LDAH: variants seen among roughly 807,000 people sequenced by gnomAD.
LDAH encodes the protein lipid droplet-associated hydrolase.
Under a neutral mutation model 29.6 loss-of-function variants are expected in LDAH, and 26 were observed. The ratio of observed to expected loss-of-function variants is 0.88; its 90% confidence interval spans 0.64 to 1.22. The LOEUF is 1.22. Ranked by LOEUF, LDAH falls within the 50% of genes most tolerant of loss-of-function variation. The pLI is 0.00. For synonymous variants in LDAH, 117 were observed against 133.0 expected, an observed-to-expected ratio of 0.88 and a Z score of 0.83; for missense variants, 344 against 387.3, an observed-to-expected ratio of 0.89 and a Z score of 0.94.
intron 1 of LDAH, among the ~76,000 whole-genome samples, chr2:20,817,948 G>A (rs907136324): frequency 1.4e-4 from 22 of 152,148 alleles, no homozygotes; most frequent in Non-Finnish European, 2.5e-4. Flanking sequence ...TGGTTGCCAC[G>A]GGTTAGGGAT....
At chr2:20,748,446 G>A (rs1294117943) in intron 4 of LDAH, among the ~76,000 whole-genome samples, 1 of 152,136 alleles carries the variant, frequency 6.6e-6, no homozygotes, top group African/African-American at 2.4e-5. Flanking sequence ...TTCTTCTCAA[G>A]CTTTTATCAT....
At chr2:20,778,430 AAGTTAT>A (rs1669963416) in intron 3 of LDAH, among the ~76,000 whole-genome samples, 2 of 152,162 alleles carry the variant, frequency 1.3e-5, no homozygotes, top group African/African-American at 4.8e-5. Context: ...CCAGTTATTA[AAGTTAT>A]TAAGCAGTCA....
intron 5 of LDAH, among the ~76,000 whole-genome samples, chr2:20,725,336 C>T (rs956685101): frequency 6.6e-6 from 1 of 152,156 alleles, no homozygotes; most frequent in African/African-American, 2.4e-5. Flanking sequence ...CTGAGATGAG[C>T]TCTACTGTGG....
intron 3 of LDAH, among the ~76,000 whole-genome samples, chr2:20,786,838 C>T (rs1325309038): frequency 6.6e-6 from 1 of 152,152 alleles, no homozygotes; most frequent in Non-Finnish European, 1.5e-5. Flanking sequence ...GGCTAACTGC[C>T]CTTCCCCCCA....
At position 20,766,020 on chromosome 2, in the gene LDAH, C is replaced by A. The variant is rs142296576; in HGVS notation, c.468+8790G>T. Among the ~76,000 whole-genome samples, 37 of 152,088 alleles carry A rather than the reference C, an allele frequency of 2.4e-4. No homozygotes were observed. In the East Asian group the frequency reaches 7.0e-3, roughly 29 times the overall value. ...ATCTACCCCTTTCTTGACATTCTTG[C>A]TCTGTTCTTAGCTGCTGTGGTGTAC... On this transcript the variant is annotated intron_variant, in intron 4 of 6. Transcript: ENST00000237822.
chr2:20,730,071 CTT>C (rs1336159416), intron 5 of LDAH, among the ~76,000 whole-genome samples: 1 of 152,142 alleles, frequency 6.6e-6, no homozygotes, highest in Non-Finnish European at 1.5e-5. Context: ...GTATGTAAAC[CTT>C]AAGGGTTGCT....
At chr2:20,755,733 C>A (rs1309050143) in intron 4 of LDAH, among the ~76,000 whole-genome samples, 2 of 152,144 alleles carry the variant, frequency 1.3e-5, no homozygotes, top group Non-Finnish European at 2.9e-5. Flanking sequence ...CAGAAAAAGG[C>A]AGGGGAAAAG....
At chr2:20,737,304 A>C (rs1308346916) in intron 5 of LDAH, among the ~76,000 whole-genome samples, 2 of 152,232 alleles carry the variant, frequency 1.3e-5, no homozygotes, top group Non-Finnish European at 2.9e-5. Flanking sequence ...CAGGAGAAAT[A>C]GTGGAAAGTC....
intron 4 of LDAH, among the ~76,000 whole-genome samples, chr2:20,760,502 G>A (rs1245821185): frequency 6.6e-6 from 1 of 152,214 alleles, no homozygotes; most frequent in Non-Finnish European, 1.5e-5. Context: ...TGCAATCAAG[G>A]TGTCAGCTAG....
At chr2:20,801,782 A>G (rs190205694) in intron 1 of LDAH, among the ~76,000 whole-genome samples, 15 of 152,226 alleles carry the variant, frequency 9.9e-5, no homozygotes, top group Non-Finnish European at 1.9e-4. Context: ...GTGCATTACC[A>G]TGAGACAGGT....
At chr2:20,814,855 T>C (rs975456438) in intron 1 of LDAH, among the ~76,000 whole-genome samples, 1 of 152,178 alleles carries the variant, frequency 6.6e-6, no homozygotes, top group Admixed American at 6.5e-5. Context: ...CTAAATTCTC[T>C]TCTCCATTTC....
intron 3 of LDAH, among the ~76,000 whole-genome samples, chr2:20,786,392 G>A (rs921055089): frequency 3.3e-5 from 5 of 152,060 alleles, no homozygotes; most frequent in Admixed American, 6.6e-5. Flanking sequence ...GTTTCATCAC[G>A]TTGGCCAGGC....
chr2:20,800,664 C>T (rs902874305), intron 2 of LDAH, among the ~76,000 whole-genome samples: 3 of 151,962 alleles, frequency 2.0e-5, no homozygotes, highest in African/African-American at 7.3e-5. Flanking sequence ...GACGGAGTCT[C>T]GCTCTGCCCC....
chr2:20,719,898 G>A (rs1665521061), intron 5 of LDAH, among the ~76,000 whole-genome samples: 1 of 152,086 alleles, frequency 6.6e-6, no homozygotes, highest in Non-Finnish European at 1.5e-5. Context: ...TGCTGGAAAA[G>A]TGTTTGATAA....
Position 20,739,857 on chromosome 2 carries a change from G to GA in LDAH, c.703+113dup, listed in dbSNP as rs1187074673. On this transcript the variant is annotated intron_variant, in intron 5 of 6. Coordinates refer to ENST00000237822, the MANE Select transcript of LDAH (RefSeq NM_021925.4). The stretch of plus-strand genomic sequence containing the variant: ...TTCTAGTTTTAAACTTTTGGAAGAG[G>GA]AAAAAAAAACTAGTAAATAATTGCT... 1.5e-3 allele frequency: 1,028 copies of GA among 675,668 alleles called. 1 individual carries two copies. Among genetic ancestry groups the GA allele is most frequent in the African/African-American group, 4.2e-3 (227 of 54,496 alleles). 41.9% of individuals were successfully genotyped at this position (675,668 alleles called of 1,614,324 possible). A position where few individuals can be genotyped will look rare whatever the true frequency, so the allele number is the denominator to read the frequency against.
chr2:20,689,589 G>A (rs908332194), intron 6 of LDAH, among the ~76,000 whole-genome samples: 14 of 152,306 alleles, frequency 9.2e-5, no homozygotes, highest in Admixed American at 3.9e-4. Context: ...ACTGTCAAGA[G>A]TACAAACTAT....
At chr2:20,719,387 C>T (rs1205539348) in intron 5 of LDAH, among the ~76,000 whole-genome samples, 1 of 151,406 alleles carries the variant, frequency 6.6e-6, no homozygotes, top group Non-Finnish European at 1.5e-5. Context: ...GGAAAACCTA[C>T]AAGTAATGGA....
chr2:20,716,169 C>T (rs1665164034), intron 5 of LDAH, among the ~76,000 whole-genome samples: 4 of 152,140 alleles, frequency 2.6e-5, no homozygotes, highest in Admixed American at 2.6e-4. Context: ...GACAGTGTGG[C>T]AATTCCTCAA....
Position 20,774,811 on chromosome 2 carries a change from G to A in LDAH, c.467C>T (p.Pro156Leu), listed in dbSNP as rs200660959. 1.1e-4 allele frequency: 182 copies of A among 1,612,576 alleles called. No individual in the cohort carries two copies. The highest frequency in any genetic ancestry group is 1.7e-4 in the Admixed American group (10 of 60,006). The change falls in exon 4 of 7, where the codon CCG (proline) becomes CTG (leucine). Residue 156 changes from proline (P) to leucine (L), a missense_variant and splice_region_variant. Coordinates refer to ENST00000237822, the MANE Select transcript of LDAH (RefSeq NM_021925.4). The part of the protein sequence containing the change: ...LQMLKRVPEL[P>L]VIRAFLLFPT... ...AGTTACCTCTGGAGACCTACTTACCGGGAGCTCAGGGACTCGCTTCAGCAT... is the reference window on the plus strand; with the variant it reads ...AGTTACCTCTGGAGACCTACTTACCAGGAGCTCAGGGACTCGCTTCAGCAT...
Sources: gnomAD v4.1 joint callset for allele counts (sites outside exome capture counted in the v4.1 genomes callset) on GRCh38, gnomAD v4.1.1 for gene constraint, MANE v1.5 for transcripts, NCBI Gene and HGNC (gene_info 2026-07-23, HGNC 2026-07-21) for gene names.